The following SAMD4A variants were observed in gnomAD, a reference collection of about 807,000 sequenced individuals.
SAMD4A encodes sterile alpha motif domain containing 4A.
Under a neutral mutation model 81.3 loss-of-function variants are expected in SAMD4A, and 33 were observed. That is an observed-to-expected ratio of 0.41 (90% CI 0.31 to 0.54). SAMD4A has a LOEUF of 0.54. SAMD4A is among the 20% of genes least tolerant of loss of function. The probability of loss-of-function intolerance (pLI) is 0.37; values close to 1 mark genes in which losing one functional copy is unlikely to be tolerated. For missense variants in SAMD4A, 854 were observed against 951.1 expected, an observed-to-expected ratio of 0.90 and a Z score of 1.34; for synonymous variants, 389 against 382.1, an observed-to-expected ratio of 1.02 and a Z score of -0.21.
intron 2 of SAMD4A, among the ~76,000 whole-genome samples, chr14:54,661,847 C>A (rs1190628104): frequency 6.6e-6 from 1 of 151,950 alleles, no homozygotes; most frequent in Non-Finnish European, 1.5e-5. Context: ...TACCAGGTGC[C>A]GAATGCTTAT....
intron 2 of SAMD4A, among the ~76,000 whole-genome samples, chr14:54,636,644 A>G (rs1195787289): frequency 6.6e-6 from 1 of 152,134 alleles, no homozygotes; most frequent in Non-Finnish European, 1.5e-5. Context: ...CGTGCTCTGA[A>G]TATATTTTGG....
upstream of SAMD4A, chr14:54,567,025 C>G (rs1456283629): frequency 6.5e-6 from 1 of 153,358 alleles, no homozygotes; most frequent in Non-Finnish European, 1.4e-5. Context: ...GGCTGCTTCT[C>G]TGGGAGGAGG....
intron 2 of SAMD4A, among the ~76,000 whole-genome samples, chr14:54,623,458 T>G (rs1485788388): frequency 1.0e-5 from 1 of 100,104 alleles, no homozygotes; most frequent in Non-Finnish European, 1.9e-5. Flanking sequence ...ATGACCCCTC[T>G]GTTAATAAAT....
intron 3 of SAMD4A, among the ~76,000 whole-genome samples, chr14:54,718,086 C>A (rs1230355763): frequency 6.6e-6 from 1 of 152,050 alleles, no homozygotes. Flanking sequence ...ATTCAGAGAC[C>A]AGGCTAATTA....
chr14:54,661,512 A>G (rs1230074982), intron 2 of SAMD4A, among the ~76,000 whole-genome samples: 2 of 152,194 alleles, frequency 1.3e-5, no homozygotes, highest in African/African-American at 2.4e-5. Context: ...AGAGTCTCCT[A>G]TTCTGTGAAG....
Position 54,760,282 on chromosome 14 carries a change from A to T in SAMD4A, c.1298A>T (p.Gln433Leu). The T allele has an allele frequency of 6.2e-7, 1 of 1,612,008 alleles. No homozygotes were observed. The highest frequency in any genetic ancestry group is 1.7e-5 in the Admixed American group (1 of 59,968). The change falls in exon 7 of 13, where the codon CAG becomes CTG. Residue 433 changes from glutamine (Q) to leucine (L), a missense_variant. By Grantham distance (113) the Gln-to-Leu change is moderately radical. Transcript: ENST00000554335. Reference protein sequence around the residue: ...TTPEARRREPQAPRQPSLMGP... With the variant: ...TTPEARRREPLAPRQPSLMGP... ...CCCGAGGCTCGCCGCCGGGAGCCCC[A>T]GGCCCCGCGTCAGCCCTCACTGATG...
In SAMD4A at chr14:54,702,488, A is replaced by G; in HGVS notation, c.623A>G (p.Lys208Arg). The G allele has an allele frequency of 6.2e-7, 1 of 1,614,196 alleles. No homozygotes were observed. The highest frequency in any genetic ancestry group is 1.1e-5 in the South Asian group (1 of 91,082). The change falls in exon 3 of 13, where the codon AAA becomes AGA. Residue 208 changes from lysine to arginine, a missense_variant. Physicochemically the swap from Lys to Arg is conservative, Grantham distance 26. Transcript: ENST00000554335. ...ICINASNWQD[K>R]SMGCENGHVP... is the part of the protein sequence containing the mutation. ...ATCAATGCCTCCAACTGGCAGGACA[A>G]AAGCATGGGGTGTGAGAATGGCCAT...
chr14:54,611,520 A>G (rs2034355023), intron 2 of SAMD4A, among the ~76,000 whole-genome samples: 1 of 152,200 alleles, frequency 6.6e-6, no homozygotes. Context: ...TGGAATCAGT[A>G]AGGTTAAAAA....
chr14:54,757,015 A>G (rs1410198029), intron 6 of SAMD4A, among the ~76,000 whole-genome samples: 2 of 152,216 alleles, frequency 1.3e-5, no homozygotes, highest in Admixed American at 6.5e-5. Context: ...TATTTTTGGT[A>G]TGAAGGATCA....
At chr14:54,614,800 A>G (rs2034451228) in intron 2 of SAMD4A, among the ~76,000 whole-genome samples, 1 of 152,188 alleles carries the variant, frequency 6.6e-6, no homozygotes, top group Non-Finnish European at 1.5e-5. Flanking sequence ...AGACTGGAGA[A>G]ACCCACTGTT....
chr14:54,773,979 A>C (rs183649118), intron 9 of SAMD4A, among the ~76,000 whole-genome samples: 102 of 152,334 alleles, frequency 6.7e-4, no homozygotes, highest in African/African-American at 2.2e-3. Context: ...AAACAATGAT[A>C]GGATTAAAGA....
chr14:54,742,242 G>T (rs1427391253), intron 4 of SAMD4A, among the ~76,000 whole-genome samples: 1 of 152,126 alleles, frequency 6.6e-6, no homozygotes, highest in Admixed American at 6.5e-5. Flanking sequence ...CAGTGATGGA[G>T]CAGGAGAAAT....
chr14:54,571,236 C>G (rs1291157794), intron 2 of SAMD4A, among the ~76,000 whole-genome samples: 3 of 152,104 alleles, frequency 2.0e-5, no homozygotes, highest in Non-Finnish European at 4.4e-5. Context: ...ATTGGAGATT[C>G]CAAGAAATGA....
At chr14:54,704,535 C>G (rs1401789427) in intron 3 of SAMD4A, among the ~76,000 whole-genome samples, 1 of 152,206 alleles carries the variant, frequency 6.6e-6, no homozygotes, top group African/African-American at 2.4e-5. Flanking sequence ...GCACCTATTT[C>G]TGGCTGTGGC....
intron 3 of SAMD4A, among the ~76,000 whole-genome samples, chr14:54,708,431 C>T (rs560995288): frequency 6.6e-6 from 1 of 152,096 alleles, no homozygotes; most frequent in Non-Finnish European, 1.5e-5. Context: ...TATGAGTGTG[C>T]AGTTTGGGAG....
chr14:54,740,233 T>C (rs1431070601), intron 4 of SAMD4A, among the ~76,000 whole-genome samples: 1 of 152,206 alleles, frequency 6.6e-6, no homozygotes, highest in African/African-American at 2.4e-5. Flanking sequence ...TGAGGTGCTT[T>C]GAAAAAGAGC....
chr14:54,633,901 G>A (rs765295765), intron 2 of SAMD4A, among the ~76,000 whole-genome samples: 4 of 152,180 alleles, frequency 2.6e-5, no homozygotes, highest in Non-Finnish European at 5.9e-5. Flanking sequence ...AAGATTGGAA[G>A]TGTTGGAGGG....
chr14:54,573,293 G>A (rs755725040), intron 2 of SAMD4A, among the ~76,000 whole-genome samples: 2 of 152,146 alleles, frequency 1.3e-5, no homozygotes, highest in Admixed American at 6.5e-5. Flanking sequence ...CTATAAACAG[G>A]CCCCATCAAA....
intron 4 of SAMD4A, among the ~76,000 whole-genome samples, chr14:54,739,319 C>T (rs986778850): frequency 6.6e-6 from 1 of 151,918 alleles, no homozygotes; most frequent in Admixed American, 6.6e-5. Flanking sequence ...CTCCTCAGAG[C>T]CTATTCAGTC....
Sources: allele counts gnomAD v4.1 joint callset (sites outside exome capture counted in the v4.1 genomes callset), GRCh38; gene constraint gnomAD v4.1.1; transcripts MANE v1.5; gene names NCBI Gene and HGNC (gene_info 2026-07-23, HGNC 2026-07-21).